Variants in XRCC4 observed in about 807,000 individuals in gnomAD.
XRCC4 encodes DNA repair protein XRCC4.
XRCC4 carries 28 observed loss-of-function variants against 39.1 expected under a neutral mutation model. The ratio of observed to expected loss-of-function variants is 0.72; its 90% CI spans 0.53 to 0.98. The LOEUF (loss-of-function observed/expected upper bound fraction) is 0.98. Among genes scored for constraint, XRCC4 ranks in the 50% least tolerant of loss-of-function variants. The pLI, the probability that XRCC4 is intolerant of heterozygous loss-of-function variation, is 0.00. For missense variants in XRCC4, 350 were observed against 376.4 expected, an observed-to-expected ratio of 0.93 and a Z score of 0.58; for synonymous variants, 123 against 126.4, an observed-to-expected ratio of 0.97 and a Z score of 0.18.
chr5:83,308,538 C>T (rs1485949301), intron 7 of XRCC4, among the ~76,000 whole-genome samples: 1 of 152,162 alleles, frequency 6.6e-6, no homozygotes, highest in African/African-American at 2.4e-5. Context: ...CAAATTTTCT[C>T]TACACTTTTG....
intron 1 of XRCC4, among the ~76,000 whole-genome samples, chr5:83,084,546 T>C (rs906606913): frequency 1.1e-4 from 16 of 152,358 alleles, no homozygotes; most frequent in Admixed American, 9.1e-4. Context: ...TTTATGTTTT[T>C]GCTAGATGCC....
intron 1 of XRCC4, among the ~76,000 whole-genome samples, chr5:83,098,627 T>G (rs1369107135): frequency 1.3e-5 from 2 of 152,100 alleles, no homozygotes; most frequent in East Asian, 1.9e-4. Context: ...TTGTTTTAAT[T>G]GCTTTGGAAA....
At position 83,308,789 on chromosome 5, in the gene XRCC4, T is replaced by G. The variant is rs535358646; in HGVS notation, c.894-44342T>G. On this transcript the variant is annotated intron_variant, in intron 7 of 7. Coordinates refer to ENST00000396027, the MANE Select transcript of XRCC4 (RefSeq NM_003401.5). ...TATAATCACAAATCACTCATTAATATTTAGATTGCACAATTATTTAATATT... is the reference window on the plus strand; with the variant it reads ...TATAATCACAAATCACTCATTAATAGTTAGATTGCACAATTATTTAATATT... Among the ~76,000 whole-genome samples, 4 of 152,306 alleles carry G rather than the reference T, an allele frequency of 2.6e-5. No individual in the cohort carries two copies. The South Asian group carries it at 8.3e-4, about 32-fold the overall frequency.
intron 3 of XRCC4, among the ~76,000 whole-genome samples, chr5:83,126,007 A>T (rs1747244779): frequency 7.0e-6 from 1 of 142,632 alleles, no homozygotes; most frequent in Non-Finnish European, 1.5e-5. Flanking sequence ...AAAAAAAAAA[A>T]AATTGAGTTA....
Position 83,204,887 on chromosome 5 carries a change from T to C in XRCC4, c.711T>C (p.Ser237=). The change falls in exon 6 of 8, where the codon AGT becomes AGC. Residue 237 remains serine (S), a synonymous_variant. Coordinates refer to ENST00000396027, the MANE Select transcript of XRCC4 (RefSeq NM_003401.5). ...ATGATGAGAGTACTGATGAGGAAAG[T>C]GAAAACCAAACTGATCTCTCTGGGT... is the stretch of plus-strand genomic sequence containing the variant. The part of the protein sequence containing the change: ...PVYDESTDEE[S]ENQTDLSGLA... 1 of 1,612,410 alleles carries C rather than the reference T, an allele frequency of 6.2e-7. No individual in the cohort carries two copies. Among genetic ancestry groups the C allele is most frequent in the Admixed American group, 1.7e-5 (1 of 59,966 alleles).
chr5:83,084,591 G>T (rs577266582), intron 1 of XRCC4, among the ~76,000 whole-genome samples: 5 of 152,288 alleles, frequency 3.3e-5, no homozygotes, highest in African/African-American at 7.2e-5. Context: ...CATTAAACTT[G>T]TGTACCATTG....
intron 7 of XRCC4, among the ~76,000 whole-genome samples, chr5:83,285,451 G>T (rs1165791230): frequency 6.6e-6 from 1 of 152,126 alleles, no homozygotes; most frequent in Non-Finnish European, 1.5e-5. Flanking sequence ...TACCAGGAAG[G>T]AGTGGGAATG....
chr5:83,265,237 AC>A (rs1251350428), intron 7 of XRCC4, among the ~76,000 whole-genome samples: 3 of 151,420 alleles, frequency 2.0e-5, no homozygotes, highest in Non-Finnish European at 4.4e-5. Context: ...TGGTACCTGA[AC>A]TATAGACTTT....
chr5:83,116,561 C>G (rs1284681227), intron 3 of XRCC4, among the ~76,000 whole-genome samples: 1 of 149,176 alleles, frequency 6.7e-6, no homozygotes, highest in African/African-American at 2.5e-5. Context: ...TTTGAAAATC[C>G]TGTCTTATGT....
At chr5:83,212,692 C>CT (rs1751695112) in intron 6 of XRCC4, among the ~76,000 whole-genome samples, 1 of 152,060 alleles carries the variant, frequency 6.6e-6, no homozygotes, top group Admixed American at 6.5e-5. Flanking sequence ...CTTTGGGAGG[C>CT]TGAGGCAGGC....
At chr5:83,248,824 A>G (rs1753205154) in intron 6 of XRCC4, among the ~76,000 whole-genome samples, 2 of 152,210 alleles carry the variant, frequency 1.3e-5, no homozygotes, top group African/African-American at 4.8e-5. Context: ...TTAGTCATTT[A>G]AAAAATAAAA....
chr5:83,329,935 G>A (rs1756385657), intron 7 of XRCC4, among the ~76,000 whole-genome samples: 1 of 152,056 alleles, frequency 6.6e-6, no homozygotes, highest in African/African-American at 2.4e-5. Flanking sequence ...TGGCAGCAAT[G>A]TATCGATGTT....
At position 83,126,957 on chromosome 5, in the gene XRCC4, A is replaced by T. The variant is rs1204260915; in HGVS notation, c.315+15754A>T. Among the ~76,000 whole-genome samples the T allele has an allele frequency of 1.3e-5, 2 of 152,022 alleles. 1 individual carries two copies. Among genetic ancestry groups the T allele is most frequent in the East Asian group, 3.9e-4 (2 of 5,170 alleles). ...TCTTTTTTCCTGTTTCTCTTTTTGG[A>T]ATAGAAATACCTGTCTTACGCCTGC... is the stretch of plus-strand genomic sequence containing the variant. On this transcript the variant is annotated intron_variant, in intron 3 of 7. Transcript: ENST00000396027.
chr5:83,313,174 T>A (rs912030411), intron 7 of XRCC4, among the ~76,000 whole-genome samples: 3 of 151,894 alleles, frequency 2.0e-5, no homozygotes, highest in African/African-American at 7.3e-5. Flanking sequence ...AAGTAAAAGC[T>A]TTTCTTATAT....
chr5:83,110,831 AAATT>A (rs1746406467), intron 2 of XRCC4, among the ~76,000 whole-genome samples, 193 bp from the exon 3 acceptor site: 1 of 152,100 alleles, frequency 6.6e-6, no homozygotes, highest in South Asian at 2.1e-4. Flanking sequence ...ATGTGAGTCT[AAATT>A]AATGCATTTC....
intron 1 of XRCC4, among the ~76,000 whole-genome samples, chr5:83,101,913 G>A (rs997225221): frequency 5.9e-5 from 9 of 151,948 alleles, no homozygotes; most frequent in Non-Finnish European, 1.0e-4. Context: ...TACAAACAAA[G>A]GATAGAGTAA....
intron 7 of XRCC4, among the ~76,000 whole-genome samples, chr5:83,323,553 G>A (rs2112140133): frequency 6.6e-6 from 1 of 151,702 alleles, no homozygotes; most frequent in East Asian, 1.9e-4. Context: ...TAAAAATAAA[G>A]CAACAGTTTT....
chr5:83,309,178 C>G (rs1459550758), intron 7 of XRCC4, among the ~76,000 whole-genome samples: 1 of 140,046 alleles, frequency 7.1e-6, no homozygotes, highest in East Asian at 2.4e-4. Flanking sequence ...ACTCGGGAGG[C>G]TGAGGCAGGA....
At chr5:83,178,131 A>T (rs891127878) in intron 3 of XRCC4, among the ~76,000 whole-genome samples, 1 of 152,138 alleles carries the variant, frequency 6.6e-6, no homozygotes, top group Non-Finnish European at 1.5e-5. Context: ...CAGATTTTAA[A>T]TTGGGTTACT....
Sources: gnomAD v4.1 joint callset for allele counts (sites outside exome capture counted in the v4.1 genomes callset) on GRCh38, gnomAD v4.1.1 for gene constraint, MANE v1.5 for transcripts, NCBI Gene and HGNC (gene_info 2026-07-23, HGNC 2026-07-21) for gene names.